MYO16: variants seen among roughly 807,000 people sequenced by gnomAD.
The protein encoded by MYO16 is unconventional myosin-XVI.
A neutral mutation model predicts 205.3 loss-of-function variants in MYO16; 94 were observed. The ratio of observed to expected loss-of-function variants is 0.46; its 90% confidence interval spans 0.39 to 0.54. The LOEUF is 0.54. MYO16 is among the 20% of genes least tolerant of loss of function. MYO16 has a pLI of 0.00. For synonymous variants in MYO16, 988 were observed against 954.0 expected (o/e 1.04, Z -0.66); for missense variants, 2,315 against 2,387.5 (o/e 0.97, Z 0.63).
Position 108,739,928 on chromosome 13 carries a change from C to T in MYO16, c.507+12345C>T, listed in dbSNP as rs544107477. ...TACCCTTTCTTCCAGTTGATCAAAT[C>T]GGTTACTGAAGCTTGTGCATTCATC... is the stretch of plus-strand genomic sequence containing the variant. On this transcript the variant is annotated intron_variant, in intron 4 of 34. Transcript: ENST00000457511. 5.9e-5 allele frequency among the ~76,000 whole-genome samples: 9 copies of T among 152,268 alleles called. No homozygotes were observed. The East Asian group carries it at 7.7e-4, about 13-fold the overall frequency.
At chr13:109,072,119 C>T (rs972898130) in intron 27 of MYO16, among the ~76,000 whole-genome samples, 4 of 152,182 alleles carry the variant, frequency 2.6e-5, no homozygotes, top group African/African-American at 9.6e-5. Flanking sequence ...AAAACAGCTT[C>T]TGTGCTCTAG....
At chr13:108,674,741 T>C (rs1882129598) in intron 2 of MYO16, among the ~76,000 whole-genome samples, 2 of 152,286 alleles carry the variant, frequency 1.3e-5, no homozygotes, top group South Asian at 4.1e-4. Flanking sequence ...TGACTATTTC[T>C]CCAACTCAAA....
chr13:109,115,082 C>T (rs553035873), intron 28 of MYO16, among the ~76,000 whole-genome samples: 69 of 151,630 alleles, frequency 4.6e-4, no homozygotes, highest in African/African-American at 1.5e-3. Flanking sequence ...TTCAAAAGTA[C>T]TGCCAGAAAC....
chr13:108,731,707 C>T (rs565589048), intron 4 of MYO16, among the ~76,000 whole-genome samples: 1 of 152,180 alleles, frequency 6.6e-6, no homozygotes, highest in Non-Finnish European at 1.5e-5. Context: ...ATGACTTCTA[C>T]TAACCAATCA....
intron 16 of MYO16, among the ~76,000 whole-genome samples, chr13:108,919,633 C>A (rs1247233602): frequency 3.3e-5 from 5 of 152,192 alleles, no homozygotes; most frequent in African/African-American, 1.2e-4. Flanking sequence ...AAGGGAAAGT[C>A]CTTCTTGTGT....
intron 6 of MYO16, among the ~76,000 whole-genome samples, chr13:108,802,909 A>G (rs960707620): frequency 1.3e-5 from 2 of 152,072 alleles, no homozygotes; most frequent in African/African-American, 4.8e-5. Context: ...GGCCATTTTT[A>G]AATTGGGTTA....
chr13:108,700,555 G>A (rs1883269516), intron 2 of MYO16, among the ~76,000 whole-genome samples: 1 of 152,074 alleles, frequency 6.6e-6, no homozygotes, highest in Admixed American at 6.5e-5. Context: ...ACTGGGTTTG[G>A]ATCTCCTCCA....
chr13:108,775,261 C>T (rs181028332), intron 4 of MYO16, among the ~76,000 whole-genome samples: 74 of 152,134 alleles, frequency 4.9e-4, no homozygotes, highest in African/African-American at 1.4e-3. Context: ...TTTTTATTCA[C>T]AGCTGAAAAA....
intron 12 of MYO16, among the ~76,000 whole-genome samples, chr13:108,878,085 C>T (rs1879410148): frequency 6.6e-6 from 1 of 152,128 alleles, no homozygotes; most frequent in East Asian, 1.9e-4. Context: ...ATAGGTGGTG[C>T]AGCCTGGTTG....
chr13:108,809,631 G>A (rs936978798), intron 7 of MYO16, among the ~76,000 whole-genome samples: 4 of 152,172 alleles, frequency 2.6e-5, no homozygotes, highest in Admixed American at 6.5e-5. Flanking sequence ...TCATTATCGT[G>A]AGGACAGCAC....
At chr13:109,062,213 A>T (rs1315190170) in intron 27 of MYO16, among the ~76,000 whole-genome samples, 1 of 152,220 alleles carries the variant, frequency 6.6e-6, no homozygotes, top group Non-Finnish European at 1.5e-5. Flanking sequence ...ATTAATACTT[A>T]AAAATTGAGT....
chr13:109,093,061 G>A (rs1357803741), intron 27 of MYO16, among the ~76,000 whole-genome samples: 2 of 152,156 alleles, frequency 1.3e-5, no homozygotes, highest in Admixed American at 1.3e-4. Context: ...TGAATGTATG[G>A]AAGCGTGTTT....
intron 4 of MYO16, 52 bp downstream of exon 4, chr13:108,727,635 G>A: frequency 6.4e-7 from 1 of 1,556,092 alleles, no homozygotes; most frequent in Non-Finnish European, 8.7e-7. Flanking sequence ...CATGTAAAAG[G>A]CTATATATTT....
At chr13:108,972,992 C>T (rs1382782006) in intron 20 of MYO16, among the ~76,000 whole-genome samples, 5 of 152,030 alleles carry the variant, frequency 3.3e-5, no homozygotes, top group South Asian at 2.1e-4. Flanking sequence ...TTGGGAACAG[C>T]GGACAGGTGC....
intron 12 of MYO16, among the ~76,000 whole-genome samples, chr13:108,882,357 T>C (rs1255988550): frequency 6.6e-6 from 1 of 152,194 alleles, no homozygotes; most frequent in Non-Finnish European, 1.5e-5. Context: ...CCCTTGACTC[T>C]CCTTCAGTAT....
chr13:108,909,394 G>T (rs1237572034), intron 15 of MYO16, among the ~76,000 whole-genome samples: 2 of 152,106 alleles, frequency 1.3e-5, no homozygotes, highest in African/African-American at 4.8e-5. Context: ...GTTCACACTG[G>T]ACATGTGTTA....
the MYO16 span, among the ~76,000 whole-genome samples, chr13:108,499,037 T>G: frequency 6.6e-6 from 1 of 152,204 alleles, no homozygotes; most frequent in Non-Finnish European, 1.5e-5. Context: ...TATTTTCATC[T>G]TTGTATCCTA....
chr13:108,946,559 A>G (rs985325966), intron 16 of MYO16, among the ~76,000 whole-genome samples: 8 of 152,214 alleles, frequency 5.3e-5, no homozygotes, highest in Non-Finnish European at 1.0e-4. Flanking sequence ...TCCACCAGGA[A>G]TTTTAAGACA....
chr13:108,519,665 C>A, the MYO16 span, among the ~76,000 whole-genome samples: 4 of 130,918 alleles, frequency 3.1e-5, no homozygotes, highest in African/African-American at 3.4e-5. Flanking sequence ...ACACACACAC[C>A]CCACCAGAAA....
Sources: allele counts gnomAD v4.1 joint callset (sites outside exome capture counted in the v4.1 genomes callset), GRCh38; gene constraint gnomAD v4.1.1; transcripts MANE v1.5; gene names NCBI Gene and HGNC (gene_info 2026-07-23, HGNC 2026-07-21).